UTP11: variants seen among roughly 807,000 people sequenced by gnomAD.
UTP11 encodes UTP11 small subunit processome component.
UTP11 carries 29 observed loss-of-function variants against 39.0 expected under a neutral mutation model. The ratio of observed to expected loss-of-function variants is 0.74; its 90% CI spans 0.55 to 1.01. The LOEUF (loss-of-function observed/expected upper bound fraction) is 1.01, where lower values mean the gene tolerates loss of function less well. UTP11 is among the 50% of genes least tolerant of loss of function. UTP11 has a pLI of 0.00. For missense variants in UTP11, 281 were observed against 306.0 expected, an observed-to-expected ratio of 0.92 and a Z score of 0.61; for synonymous variants, 111 against 105.0, an observed-to-expected ratio of 1.06 and a Z score of -0.35.
intron 1 of UTP11, among the ~76,000 whole-genome samples, chr1:38,013,153 C>T (rs1646687919): frequency 6.6e-6 from 1 of 152,142 alleles, no homozygotes; most frequent in Non-Finnish European, 1.5e-5. Flanking sequence ...TGTCAAGTGC[C>T]TGGTCTCTTC....
In UTP11 at chr1:38,016,385, G is replaced by T. The variant is rs1443478538; in HGVS notation, c.90G>T (p.Leu30=). 4 of 1,614,102 alleles carry T rather than the reference G, an allele frequency of 2.5e-6. No individual in the cohort carries two copies. Among genetic ancestry groups the T allele is most frequent in the Non-Finnish European group, 2.5e-6 (3 of 1,180,040 alleles). ...SQPGFRKHLG[L]LEKKKDYKLR... ...CTGGCTTTCGAAAACATCTGGGCCT[G>T]CTGGAGAAAAAGAAAGATTACAAAC... is the stretch of plus-strand genomic sequence containing the variant. Residue 30 remains leucine, a synonymous_variant, in exon 2 of 8, where the codon CTG becomes CTT. Transcript: ENST00000373014.
chr1:38,022,349 A>G (rs1646742262), intron 6 of UTP11, among the ~76,000 whole-genome samples: 2 of 151,950 alleles, frequency 1.3e-5, no homozygotes, highest in African/African-American at 4.8e-5. Flanking sequence ...TCGATAAGAT[A>G]GTCTACAGGG....
intron 6 of UTP11, among the ~76,000 whole-genome samples, chr1:38,021,057 G>T (rs1040247038): frequency 2.0e-5 from 3 of 152,120 alleles, no homozygotes; most frequent in African/African-American, 7.2e-5. Context: ...GAGTAGCTGG[G>T]ATTACAGGTG....
At position 38,023,732 on chromosome 1, in the gene UTP11, C is replaced by A; in HGVS notation, c.*104C>A. ...AATGGCATGGTTTTCCGGTTTGTAA[C>A]CATAACTAAATTGTCAGTCTGACAT... On this transcript the variant is annotated 3_prime_UTR_variant, in exon 8 of 8. Transcript: ENST00000373014. 1.1e-6 allele frequency: 1 copy of A among 926,880 alleles called. No homozygotes were observed. The highest frequency in any genetic ancestry group is 1.6e-6 in the Non-Finnish European group (1 of 631,026). The allele number at this position is 926,880 out of a possible 1,614,324, so 57.4% of individuals were successfully genotyped here.
chr1:38,016,573 G>T, intron 2 of UTP11, 153 bp downstream of exon 2: 1 of 724,000 alleles, frequency 1.4e-6, no homozygotes, highest in Non-Finnish European at 2.4e-6. Flanking sequence ...TTTTTTCTGT[G>T]ATCCTAAATT....
rs1646744225 is a variant in UTP11, at chr1:38,022,554, G to A, written c.568-145G>A. 8.0e-6 allele frequency: 5 copies of A among 621,644 alleles called. No individual in the cohort carries two copies. In the Admixed American group the frequency reaches 8.4e-5, roughly 10 times the overall value. 38.5% of individuals were successfully genotyped at this position (621,644 alleles called of 1,614,324 possible). A position where few individuals can be genotyped will look rare whatever the true frequency, so the allele number is the denominator to read the frequency against. On this transcript the variant is annotated intron_variant, in intron 6 of 7. Coordinates refer to ENST00000373014, the MANE Select transcript of UTP11 (RefSeq NM_016037.4). ...ATGTGATGTTCCTAAAATGGGCAAC[G>A]TTATTGTTACCACGTTATGTTGATT...
intron 6 of UTP11, among the ~76,000 whole-genome samples, chr1:38,020,351 G>A (rs769676777): frequency 2.0e-4 from 30 of 151,992 alleles, no homozygotes; most frequent in Non-Finnish European, 2.9e-4. Context: ...GTTTACTCCC[G>A]CCTTGGCCTC....
At chr1:38,019,415 C>T (rs201425543) in intron 6 of UTP11, 32 bp downstream of exon 6, 1 of 1,481,124 alleles carries the variant, frequency 6.8e-7, no homozygotes, top group Non-Finnish European at 9.0e-7. Flanking sequence ...CACATGTGAG[C>T]TTAGGGGAAT....
At position 38,024,435 on chromosome 1, in the gene UTP11, G is replaced by T. The variant is rs1472892257; in HGVS notation, c.*807G>T. 7.6e-6 allele frequency: 1 copy of T among 131,364 alleles called. No individual in the cohort carries two copies. The highest frequency in any genetic ancestry group is 2.2e-4 in the East Asian group (1 of 4,482). 8.1% of individuals were successfully genotyped at this position (131,364 alleles called of 1,614,324 possible). A position where few individuals can be genotyped will look rare whatever the true frequency, so the allele number is the denominator to read the frequency against. On this transcript the variant is annotated 3_prime_UTR_variant, in exon 8 of 8. Transcript: ENST00000373014. Reference sequence around the variant, plus strand: ...TTTTGAGACGGAGTCTCGCTCTGTCGCCCAGGCCGGACTGCGGACTGCAGT... The same window carrying T: ...TTTTGAGACGGAGTCTCGCTCTGTCTCCCAGGCCGGACTGCGGACTGCAGT...
chr1:38,017,439 G>A, intron 2 of UTP11: 1 of 357,020 alleles, frequency 2.8e-6, no homozygotes, highest in Non-Finnish European at 5.0e-6. Flanking sequence ...GTTAATTTCA[G>A]GTTCCACTGG....
At chr1:38,020,990 C>T (rs916431754) in intron 6 of UTP11, among the ~76,000 whole-genome samples, 8 of 151,290 alleles carry the variant, frequency 5.3e-5, no homozygotes, top group Admixed American at 2.0e-4. Context: ...GGCGTGATAT[C>T]GGCTCACTGC....
chr1:38,021,849 T>G (rs1646739480), intron 6 of UTP11, among the ~76,000 whole-genome samples: 1 of 150,250 alleles, frequency 6.7e-6, no homozygotes, highest in Non-Finnish European at 1.5e-5. Context: ...GCCGAGATAG[T>G]GCCACTGCAC....
intron 1 of UTP11, among the ~76,000 whole-genome samples, chr1:38,014,953 G>T (rs950458220): frequency 3.9e-5 from 6 of 152,106 alleles, no homozygotes; most frequent in African/African-American, 1.2e-4. Flanking sequence ...GTTATTTATT[G>T]CATCACTTGA....
intron 5 of UTP11, 29 bp from the exon 6 acceptor site, chr1:38,019,224 A>G: frequency 1.2e-6 from 2 of 1,614,064 alleles, no homozygotes; most frequent in Non-Finnish European, 1.7e-6. Flanking sequence ...AGAAACCGAC[A>G]GTGCCTTAAG....
At chr1:38,016,509 G>A (rs1014990115) in intron 2 of UTP11, 89 bp downstream of exon 2, 220 of 1,364,320 alleles carry the variant, frequency 1.6e-4, no homozygotes, top group Non-Finnish European at 2.1e-4. Flanking sequence ...TCCAACAGGG[G>A]ATAATTTCCT....
At chr1:38,019,499 T>C in intron 6 of UTP11, 116 bp downstream of exon 6, 1 of 982,330 alleles carries the variant, frequency 1.0e-6, no homozygotes, top group Non-Finnish European at 1.3e-6. Context: ...TTTTATTTTA[T>C]TTTTTAGTCA....
At chr1:38,013,155 G>T (rs1404034827) in intron 1 of UTP11, among the ~76,000 whole-genome samples, 5 of 152,156 alleles carry the variant, frequency 3.3e-5, no homozygotes, top group Non-Finnish European at 7.3e-5. Flanking sequence ...TCAAGTGCCT[G>T]GTCTCTTCTG....
At chr1:38,018,419 G>A (rs745489323) in intron 3 of UTP11, 45 bp from the exon 4 acceptor site, 2 of 1,446,694 alleles carry the variant, frequency 1.4e-6, no homozygotes, top group Non-Finnish European at 1.9e-6. Context: ...ACTTATTAAT[G>A]ATTTTAATCT....
Position 38,023,755 on chromosome 1 carries a change from C to A in UTP11, c.*127C>A. The A allele has an allele frequency of 1.5e-6, 1 of 674,342 alleles. No individual in the cohort carries two copies. The highest frequency in any genetic ancestry group is 2.4e-6 in the Non-Finnish European group (1 of 421,808). The allele number at this position is 674,342 out of a possible 1,614,324, so 41.8% of individuals were successfully genotyped here. A position where few individuals can be genotyped will look rare whatever the true frequency, so the allele number is the denominator to read the frequency against. On this transcript the variant is annotated 3_prime_UTR_variant, in exon 8 of 8. Transcript: ENST00000373014. ...AACCATAACTAAATTGTCAGTCTGA[C>A]ATTTAATGTCTTTCTATGGACAACA...
Sources: allele counts gnomAD v4.1 joint callset (sites outside exome capture counted in the v4.1 genomes callset), GRCh38; gene constraint gnomAD v4.1.1; transcripts MANE v1.5; gene names NCBI Gene and HGNC (gene_info 2026-07-23, HGNC 2026-07-21).